VPS26B: variants seen among roughly 807,000 people sequenced by gnomAD.
VPS26B encodes vacuolar protein sorting-associated protein 26B.
VPS26B carries 10 observed loss-of-function variants against 33.3 expected under a neutral mutation model. The observed-to-expected ratio is 0.30, with a 90% CI of 0.19 to 0.51. VPS26B has a LOEUF of 0.51. Among genes scored for constraint, VPS26B ranks in the 20% least tolerant of loss-of-function variants. The pLI is 0.98. For synonymous variants in VPS26B, 190 were observed against 176.9 expected, an observed-to-expected ratio of 1.07 and a Z score of -0.59; for missense variants, 317 against 452.7, an observed-to-expected ratio of 0.70 and a Z score of 2.72.
At position 134,240,042 on chromosome 11, in the gene VPS26B, G is replaced by T; in HGVS notation, c.432G>T (p.Glu144Asp). The change falls in exon 3 of 6, where the codon GAG (glutamate) becomes GAT (aspartate). Residue 144 changes from glutamate to aspartate, a missense_variant. Transcript: ENST00000281187. The surrounding 1 kb of genome is among the most constrained non-coding windows in gnomAD (Gnocchi z 4.4). ...ISRRLNDVVK[E>D]MDIVVHTLST... The stretch of plus-strand genomic sequence containing the variant: ...GCCGCCTCAATGATGTTGTCAAAGA[G>T]ATGGACATTGTAGTTCACACACTCA... The T allele has an allele frequency of 6.2e-7, 1 of 1,614,188 alleles. No individual in the cohort carries two copies. The highest frequency in any genetic ancestry group is 8.5e-7 in the Non-Finnish European group (1 of 1,180,042).
intron 1 of VPS26B, among the ~76,000 whole-genome samples, chr11:134,228,783 T>C (rs982937720): frequency 6.6e-6 from 1 of 152,226 alleles, no homozygotes; most frequent in African/African-American, 2.4e-5. Context: ...GTGAGTGAGT[T>C]TGCTGAAGCT....
rs1555057550 is a variant in VPS26B at position 134,240,804 on chromosome 11, T to TGTGTGTGA, written c.545+656_545+657insAGTGTGTG. 6.9e-6 allele frequency among the ~76,000 whole-genome samples: 1 copy of TGTGTGTGA among 144,340 alleles called. No homozygotes were observed. Among genetic ancestry groups the TGTGTGTGA allele is most frequent in the African/African-American group, 2.5e-5 (1 of 40,570 alleles). The allele number at this position is 144,340 out of a possible 152,430, so 94.7% of individuals were successfully genotyped here. ...GTGTGTGTGTGTGTCCGTGTGTGTG[T>TGTGTGTGA]GTGTGTGTGTGTGTGTGTGTGTGTA... is the stretch of plus-strand genomic sequence containing the variant. On this transcript the variant is annotated intron_variant, in intron 3 of 5. Coordinates refer to ENST00000281187, the MANE Select transcript of VPS26B (RefSeq NM_052875.5). This position sits in a 1 kb window ranked among gnomAD's most constrained non-coding sequence, Gnocchi z 4.4.
chr11:134,245,248 G>A lies in VPS26B; in HGVS notation c.864+168G>A, dbSNP rs1938792237. Among the ~76,000 whole-genome samples the A allele has an allele frequency of 6.6e-6, 1 of 152,160 alleles. No homozygotes were observed. The highest frequency in any genetic ancestry group is 2.4e-5 in the African/African-American group (1 of 41,432). On this transcript the variant is annotated intron_variant, in intron 5 of 5. Coordinates refer to ENST00000281187, the MANE Select transcript of VPS26B (RefSeq NM_052875.5). This position sits in a 1 kb window ranked among gnomAD's most constrained non-coding sequence, Gnocchi z 4.7. ...ACCTGGCCTTAGAGTCTGCTTCCTC[G>A]GGCCTTCTCCTGCAACCACCTGCCC...
intron 1 of VPS26B, among the ~76,000 whole-genome samples, chr11:134,228,287 A>G (rs1356883914): frequency 1.3e-5 from 2 of 151,070 alleles, no homozygotes; most frequent in Admixed American, 6.6e-5. Flanking sequence ...TTCTTAGACA[A>G]CATGTTTCTT....
At chr11:134,236,165 T>A (rs11826057) in intron 2 of VPS26B, among the ~76,000 whole-genome samples, 8 of 152,062 alleles carry the variant, frequency 5.3e-5, no homozygotes, top group Non-Finnish European at 7.4e-5. Flanking sequence ...AAAATTTTTT[T>A]AATTTTTTTA....
intron 3 of VPS26B, among the ~76,000 whole-genome samples, chr11:134,241,859 T>G (rs1164983931): frequency 1.3e-5 from 2 of 152,206 alleles, no homozygotes; most frequent in Admixed American, 6.5e-5. Context: ...CAGCAGATAC[T>G]AACATTTTGT....
intron 4 of VPS26B, chr11:134,243,825 G>A (rs1268662529): frequency 6.6e-6 from 1 of 152,606 alleles, no homozygotes; most frequent in South Asian, 2.1e-4. Flanking sequence ...CAGCCCCAGG[G>A]AGCTAACATT....
chr11:134,236,399 G>T (rs1938633024), intron 2 of VPS26B: 1 of 152,114 alleles, frequency 6.6e-6, no homozygotes, highest in South Asian at 2.1e-4. Flanking sequence ...CAGTATAGCA[G>T]TGCCTCAAAA....
At chr11:134,242,578 C>T (rs1938746695) in intron 3 of VPS26B, among the ~76,000 whole-genome samples, 1 of 152,250 alleles carries the variant, frequency 6.6e-6, no homozygotes, top group Admixed American at 6.5e-5. Flanking sequence ...TTCGTAACAA[C>T]TCACAAGGCC....
At chr11:134,232,107 C>A (rs1193254119) in intron 1 of VPS26B, among the ~76,000 whole-genome samples, 1 of 150,134 alleles carries the variant, frequency 6.7e-6, no homozygotes, top group South Asian at 2.1e-4. Flanking sequence ...AGAAGGAAAC[C>A]AAAGACAGGA....
At chr11:134,231,170 G>C (rs556606319) in intron 1 of VPS26B, among the ~76,000 whole-genome samples, 1 of 152,032 alleles carries the variant, frequency 6.6e-6, no homozygotes, top group Admixed American at 6.5e-5. Context: ...TCAGACATGC[G>C]GAGGAGGGCA....
intron 3 of VPS26B, among the ~76,000 whole-genome samples, chr11:134,241,323 A>G (rs1938721656): frequency 6.6e-6 from 1 of 152,190 alleles, no homozygotes; most frequent in South Asian, 2.1e-4. Context: ...TTTTAAAACT[A>G]GGAACATATA....
chr11:134,236,147 GA>G (rs36088296), intron 2 of VPS26B, among the ~76,000 whole-genome samples: 51 of 148,150 alleles, frequency 3.4e-4, no homozygotes, highest in Middle Eastern at 3.4e-3. Context: ...CTATCTCTAC[GA>G]AAAAAAAAAA....
chr11:134,229,203 A>T (rs1436787849), intron 1 of VPS26B, among the ~76,000 whole-genome samples: 1 of 151,972 alleles, frequency 6.6e-6, no homozygotes, highest in Non-Finnish European at 1.5e-5. Context: ...CTAATTTTTT[A>T]AATTTTATGT....
intron 1 of VPS26B, among the ~76,000 whole-genome samples, chr11:134,229,664 T>C (rs942664471): frequency 2.6e-5 from 4 of 152,210 alleles, no homozygotes; most frequent in Non-Finnish European, 4.4e-5. Flanking sequence ...CTCAAACCAG[T>C]GTCTCCTCTC....
Position 134,231,498 on chromosome 11 carries a change from G to A in VPS26B, c.224-3399G>A, listed in dbSNP as rs923044867. ...GACAGGAGTAGGGTGTGGTAAGCAC[G>A]AATCCTGACAGTGGCCAGCCAGCAG... On this transcript the variant is annotated intron_variant, in intron 1 of 5. Coordinates refer to ENST00000281187, the MANE Select transcript of VPS26B (RefSeq NM_052875.5). Among the ~76,000 whole-genome samples, 74 of 152,196 alleles carry A rather than the reference G, an allele frequency of 4.9e-4. 1 individual carries two copies. The highest frequency in any genetic ancestry group is 3.7e-3 in the Admixed American group (57 of 15,292).
chr11:134,245,866 G>C lies in VPS26B; in HGVS notation c.*276G>C, dbSNP rs1241039861. On this transcript the variant is annotated 3_prime_UTR_variant, in exon 6 of 6. Coordinates refer to ENST00000281187, the MANE Select transcript of VPS26B (RefSeq NM_052875.5). The surrounding 1 kb of genome is among the most constrained non-coding windows in gnomAD (Gnocchi z 4.7). ...TGGGGAACATGAGCCCCCTTCCTCG[G>C]GGGGCTGCCTTGCGTCTTAGAGGAG... is the stretch of plus-strand genomic sequence containing the variant. 6 of 438,192 alleles carry C rather than the reference G, an allele frequency of 1.4e-5. No homozygotes were observed. The highest frequency in any genetic ancestry group is 2.5e-5 in the Non-Finnish European group (6 of 240,230). 27.1% of individuals were successfully genotyped at this position (438,192 alleles called of 1,614,324 possible).
chr11:134,236,756 G>A (rs1284340594), intron 2 of VPS26B: 2 of 152,240 alleles, frequency 1.3e-5, no homozygotes, highest in African/African-American at 4.8e-5. Context: ...GGTACCCAGA[G>A]CAGTCAAATT....
chr11:134,233,025 A>G (rs182716833), intron 1 of VPS26B, among the ~76,000 whole-genome samples: 34 of 152,200 alleles, frequency 2.2e-4, no homozygotes, highest in African/African-American at 7.2e-4. Context: ...TGGAGCTGCC[A>G]CCTCCCACTC....
Sources: gnomAD v4.1 joint callset for allele counts (sites outside exome capture counted in the v4.1 genomes callset) on GRCh38, gnomAD v4.1.1 for gene constraint, Gnocchi (gnomAD v3.1) non-coding constraint, MANE v1.5 for transcripts, NCBI Gene and HGNC (gene_info 2026-07-23, HGNC 2026-07-21) for gene names.